VIRMA: variants seen among roughly 807,000 people sequenced by gnomAD.
The protein encoded by VIRMA is vir like m6A methyltransferase associated, also known as protein virilizer homolog.
Under a neutral mutation model 182.4 loss-of-function variants are expected in VIRMA, and 65 were observed. The observed-to-expected ratio is 0.36, with a 90% CI of 0.29 to 0.44. VIRMA has a LOEUF of 0.44. VIRMA is among the 20% of genes least tolerant of loss of function. VIRMA has a pLI of 1.00. For synonymous variants in VIRMA, 709 were observed against 743.1 expected (o/e 0.95, Z 0.75); for missense variants, 1,752 against 2,158.1 (o/e 0.81, Z 3.73).
Position 94,508,246 on chromosome 8 carries a change from C to T in VIRMA, c.3879+1442G>A, listed in dbSNP as rs7834552. Among the ~76,000 whole-genome samples the T allele has an allele frequency of 6.1e-3, 935 of 152,052 alleles. 13 individuals carry two copies. The highest frequency in any genetic ancestry group is 0.021 in the African/African-American group (886 of 41,472). ...CTGGGACTACAGATGCATGCCACCA[C>T]GCCCAGCTAGTTTTTTTGTAGTAGA... On this transcript the variant is annotated intron_variant, in intron 15 of 23. Transcript: ENST00000297591.
chr8:94,531,203 T>A, intron 5 of VIRMA, 118 bp from the exon 6 acceptor site: 1 of 1,117,796 alleles, frequency 8.9e-7, no homozygotes. Flanking sequence ...AAGAGAGATC[T>A]AAAATATGGT....
Position 94,529,175 on chromosome 8 carries a change from C to T in VIRMA, c.775G>A (p.Glu259Lys). Residue 259 changes from glutamate (E) to lysine (K), a missense_variant, in exon 7 of 24, where the codon GAA becomes AAA. Coordinates refer to ENST00000297591, the MANE Select transcript of VIRMA (RefSeq NM_015496.5). ...TCATCCTCATCCTCATCCTCTTCTT[C>T]CTCTACATCCACATCATCTTCATCT... ...EEDEDDVDVEEEEDEDEDDRR... is the reference protein window; with the variant it reads ...EEDEDDVDVEKEEDEDEDDRR... The T allele has an allele frequency of 7.0e-7, 1 of 1,422,060 alleles. No homozygotes were observed. Among genetic ancestry groups the T allele is most frequent in the Non-Finnish European group, 9.9e-7 (1 of 1,005,352 alleles). 88.1% of individuals were successfully genotyped at this position (1,422,060 alleles called of 1,614,324 possible). A position where few individuals can be genotyped will look rare whatever the true frequency, so the allele number is the denominator to read the frequency against.
intron 18 of VIRMA, 186 bp from the exon 19 acceptor site, chr8:94,496,077 A>C (rs1813763275): frequency 1.6e-6 from 1 of 636,078 alleles, no homozygotes; most frequent in Middle Eastern, 4.3e-4. Context: ...TTATTTCTAA[A>C]CAATAGCAGC....
intron 8 of VIRMA, among the ~76,000 whole-genome samples, chr8:94,520,627 G>A (rs1039949071): frequency 2.0e-5 from 3 of 152,074 alleles, no homozygotes; most frequent in African/African-American, 4.8e-5. Flanking sequence ...TGTATTATAA[G>A]TAATCTAGAC....
intron 6 of VIRMA, 83 bp downstream of exon 6, chr8:94,530,880 A>G (rs527871684): frequency 3.3e-5 from 48 of 1,470,732 alleles, no homozygotes; most frequent in Admixed American, 1.7e-4. Context: ...CACCCTGGGC[A>G]ACAGAGTGAG....
At chr8:94,540,461 CTTTTTTT>C (rs963429701) in intron 2 of VIRMA, among the ~76,000 whole-genome samples, 18 of 128,632 alleles carry the variant, frequency 1.4e-4, no homozygotes, top group Admixed American at 2.5e-4. Context: ...TTCTTCTTTT[CTTTTTTT>C]TTTTTTTTTT....
chr8:94,501,709 G>A (rs1813992665), intron 16 of VIRMA, among the ~76,000 whole-genome samples: 2 of 152,138 alleles, frequency 1.3e-5, no homozygotes, highest in South Asian at 4.1e-4. Flanking sequence ...TATAATCCCA[G>A]CATTTTGGAA....
chr8:94,511,427 A>C lies in VIRMA; in HGVS notation c.3148T>G (p.Ser1050Ala). The C allele has an allele frequency of 6.2e-7, 1 of 1,614,126 alleles. No individual in the cohort carries two copies. Among genetic ancestry groups the C allele is most frequent in the South Asian group, 1.1e-5 (1 of 91,078 alleles). The part of the protein sequence containing the change: ...LHMLLCSIPL[S>A]GRLDSDEQKI... ...TGTTCATCACTATCCAAACGACCTG[A>C]GAGGGGGATAGAGCACAGGAGCATA... Residue 1050 changes from serine (S) to alanine (A), a missense_variant, in exon 13 of 24, where the codon TCA (serine) becomes GCA (alanine). Physicochemically the swap from Ser to Ala is moderately conservative, Grantham distance 99. Coordinates refer to ENST00000297591, the MANE Select transcript of VIRMA (RefSeq NM_015496.5).
chr8:94,490,143 G>A (rs2130250503), intron 22 of VIRMA, 61 bp from the exon 23 acceptor site: 3 of 1,524,608 alleles, frequency 2.0e-6, no homozygotes, highest in Non-Finnish European at 2.7e-6. Flanking sequence ...ATTCTTTTAA[G>A]TGACAGATTT....
rs748672515 is a variant in VIRMA at position 94,534,888 on chromosome 8, C to T, written c.435G>A (p.Pro145=). 289 of 1,402,146 alleles carry T rather than the reference C, an allele frequency of 2.1e-4. No individual in the cohort carries two copies. The highest frequency in any genetic ancestry group is 2.8e-4 in the South Asian group (24 of 86,298). The allele number at this position is 1,402,146 out of a possible 1,614,324, so 86.9% of individuals were successfully genotyped here. The change falls in exon 5 of 24, where the codon CCG becomes CCA. Residue 145 remains proline (P), a synonymous_variant. Transcript: ENST00000297591. ...TTGGTTGTGGCTGGGGAGGTGGTGG[C>T]GGTGGAGGTGGTGGTGGTGGAGAGT... ...DRDSPPPPPP[P]PPPPQPQPSL... is the part of the protein sequence containing the mutation.
At position 94,526,831 on chromosome 8, in the gene VIRMA, A is replaced by G. The variant is rs767720099; in HGVS notation, c.1413T>C (p.Ala471=). ...CTTGTAGCAGTCCTGTAACTCCTTGAGCCCCACATTCTGCTAGTGAGGACA... is the reference window on the plus strand; with the variant it reads ...CTTGTAGCAGTCCTGTAACTCCTTGGGCCCCACATTCTGCTAGTGAGGACA... ...KLVSSLAECG[A]QGVTGLLQAG... is the part of the protein sequence containing the mutation. The change falls in exon 8 of 24, where the codon GCT becomes GCC. Residue 471 remains alanine, a synonymous_variant. Transcript: ENST00000297591. 5.6e-6 allele frequency: 9 copies of G among 1,614,078 alleles called. No homozygotes were observed. Among genetic ancestry groups the G allele is most frequent in the Admixed American group, 3.3e-5 (2 of 60,000 alleles).
At position 94,506,730 on chromosome 8, in the gene VIRMA, G is replaced by C. The variant is rs1314480112; in HGVS notation, c.3880-13C>G. On this transcript the variant is annotated splice_polypyrimidine_tract_variant and intron_variant, in intron 15 of 23. Transcript: ENST00000297591. Reference sequence around the variant, plus strand: ...TAAGTGCAATGTCCTGTGGGGAGCAGGGAAAAAAAAATCGATTTTTTAAAT... The same window carrying C: ...TAAGTGCAATGTCCTGTGGGGAGCACGGAAAAAAAAATCGATTTTTTAAAT... The C allele has an allele frequency of 6.4e-7, 1 of 1,561,212 alleles. No homozygotes were observed. Among genetic ancestry groups the C allele is most frequent in the Admixed American group, 1.9e-5 (1 of 52,602 alleles).
intron 16 of VIRMA, among the ~76,000 whole-genome samples, chr8:94,505,980 A>G (rs1449342614): frequency 6.6e-6 from 1 of 152,234 alleles, no homozygotes; most frequent in Non-Finnish European, 1.5e-5. Flanking sequence ...AATTATTTAC[A>G]TAACATTCAC....
intron 22 of VIRMA, 123 bp from the exon 23 acceptor site, chr8:94,490,205 G>A: frequency 9.4e-7 from 1 of 1,065,766 alleles, no homozygotes; most frequent in Non-Finnish European, 1.3e-6. Context: ...CAAACTGACT[G>A]TACTATATAG....
chr8:94,521,420 G>A (rs575787445), intron 8 of VIRMA, among the ~76,000 whole-genome samples: 25 of 152,076 alleles, frequency 1.6e-4, no homozygotes, highest in Admixed American at 1.5e-3. Context: ...AACTTAACCA[G>A]ATTTTAAAGA....
At chr8:94,508,739 T>C (rs1814252859) in intron 15 of VIRMA, among the ~76,000 whole-genome samples, 2 of 151,660 alleles carry the variant, frequency 1.3e-5, no homozygotes. Context: ...GAGTCTTAAA[T>C]GTAACCAAAC....
chr8:94,496,123 A>G (rs1460398125), intron 18 of VIRMA: 2 of 617,820 alleles, frequency 3.2e-6, no homozygotes, highest in South Asian at 5.0e-5. Context: ...AGACAATTCA[A>G]AAAGTACCGT....
At chr8:94,546,845 C>G (rs1815785292) in intron 1 of VIRMA, 1 of 445,342 alleles carries the variant, frequency 2.2e-6, no homozygotes, top group South Asian at 1.6e-5. Context: ...ATAAATGTAC[C>G]ACTCCCCTGA....
At chr8:94,546,954 T>C in intron 1 of VIRMA, 1 of 455,534 alleles carries the variant, frequency 2.2e-6, no homozygotes, top group Non-Finnish European at 4.4e-6. Context: ...TTTTCTCATT[T>C]TTATGCCCTC....
Sources: allele counts gnomAD v4.1 joint callset (sites outside exome capture counted in the v4.1 genomes callset), GRCh38; gene constraint gnomAD v4.1.1; transcripts MANE v1.5; gene names NCBI Gene and HGNC (gene_info 2026-07-23, HGNC 2026-07-21).